Variants in AGBL4 observed in about 807,000 individuals in gnomAD.
AGBL4 encodes AGBL carboxypeptidase 4, also known as cytosolic carboxypeptidase 6.
In AGBL4, 58 loss-of-function variants were observed where a neutral mutation model predicts 66.4. The ratio of observed to expected loss-of-function variants is 0.87; its 90% confidence interval spans 0.71 to 1.09. The LOEUF is 1.09. Among genes scored for constraint, AGBL4 ranks in the 50% least tolerant of loss-of-function variants. The pLI is 0.00. For synonymous variants in AGBL4, 234 were observed against 222.9 expected (o/e 1.05, Z -0.44); for missense variants, 579 against 631.0 (o/e 0.92, Z 0.88).
intron 4 of AGBL4, among the ~76,000 whole-genome samples, chr1:49,096,800 T>C (rs1443338849): frequency 6.6e-6 from 1 of 151,534 alleles, no homozygotes; most frequent in Non-Finnish European, 1.5e-5. Context: ...GTAACAAACC[T>C]GCACATTATG....
At chr1:48,784,363 T>C (rs1645363365) in intron 6 of AGBL4, among the ~76,000 whole-genome samples, 1 of 152,134 alleles carries the variant, frequency 6.6e-6, no homozygotes, top group Non-Finnish European at 1.5e-5. Flanking sequence ...GACTGAACAA[T>C]GCTAATGATA....
At chr1:49,262,108 T>A (rs1345468612) in intron 3 of AGBL4, among the ~76,000 whole-genome samples, 1 of 152,106 alleles carries the variant, frequency 6.6e-6, no homozygotes, top group Non-Finnish European at 1.5e-5. Flanking sequence ...GCTAGCCATA[T>A]GTAGAAAGCT....
At chr1:49,133,923 T>C (rs1014365249) in intron 4 of AGBL4, among the ~76,000 whole-genome samples, 1 of 152,042 alleles carries the variant, frequency 6.6e-6, no homozygotes, top group African/African-American at 2.4e-5. Flanking sequence ...GTGTATATTC[T>C]AATACATATA....
intron 3 of AGBL4, among the ~76,000 whole-genome samples, chr1:49,429,678 T>A (rs1645741729): frequency 1.3e-5 from 2 of 152,060 alleles, no homozygotes; most frequent in Non-Finnish European, 2.9e-5. Flanking sequence ...ATCTTATCAC[T>A]CTTCTGCTTT....
At chr1:48,970,194 A>G (rs1658791390) in intron 5 of AGBL4, among the ~76,000 whole-genome samples, 2 of 152,184 alleles carry the variant, frequency 1.3e-5, no homozygotes, top group Admixed American at 1.3e-4. Flanking sequence ...CAGAAAGGAG[A>G]GAAGCAAATG....
At chr1:48,970,303 C>T (rs1243965580) in intron 5 of AGBL4, among the ~76,000 whole-genome samples, 1 of 152,158 alleles carries the variant, frequency 6.6e-6, no homozygotes, top group African/African-American at 2.4e-5. Context: ...TTCAAAATGG[C>T]TCCTGCTGAC....
intron 4 of AGBL4, among the ~76,000 whole-genome samples, chr1:49,124,954 G>C (rs1569701709): frequency 6.6e-6 from 1 of 152,196 alleles, no homozygotes; most frequent in African/African-American, 2.4e-5. Context: ...AGTCTCTTGA[G>C]GAGTGTGAAT....
At chr1:49,281,335 C>G (rs746890659) in intron 3 of AGBL4, among the ~76,000 whole-genome samples, 2 of 152,142 alleles carry the variant, frequency 1.3e-5, no homozygotes, top group Non-Finnish European at 2.9e-5. Flanking sequence ...CTGACAATGA[C>G]TCGAGAGAGC....
intron 3 of AGBL4, among the ~76,000 whole-genome samples, chr1:49,279,752 A>G (rs1305691160): frequency 6.6e-6 from 1 of 152,090 alleles, no homozygotes; most frequent in Non-Finnish European, 1.5e-5. Context: ...GATCTAGCCA[A>G]CTCCTATCTT....
At chr1:48,999,780 C>G (rs1360342203) in intron 5 of AGBL4, among the ~76,000 whole-genome samples, 1 of 152,088 alleles carries the variant, frequency 6.6e-6, no homozygotes, top group Non-Finnish European at 1.5e-5. Context: ...TGCTTTAAAC[C>G]TTTCCCTGAA....
chr1:48,895,890 G>T (rs1651460550), intron 5 of AGBL4, among the ~76,000 whole-genome samples: 1 of 152,202 alleles, frequency 6.6e-6, no homozygotes. Context: ...AGCCATTGAA[G>T]AATGCTATGA....
At chr1:49,861,001 GAGA>G (rs1646559371) in intron 1 of AGBL4, among the ~76,000 whole-genome samples, 1 of 152,114 alleles carries the variant, frequency 6.6e-6, no homozygotes, top group South Asian at 2.1e-4. Context: ...CTGAGAGGGG[GAGA>G]ACACAGTAAT....
intron 4 of AGBL4, among the ~76,000 whole-genome samples, chr1:49,191,751 C>T (rs34856761): frequency 1.5e-3 from 227 of 152,244 alleles, no homozygotes; most frequent in Non-Finnish European, 1.5e-3. Context: ...CTTAGGAAAA[C>T]GGCCCCCAGC....
chr1:49,533,794 G>T (rs1328872815), intron 3 of AGBL4, among the ~76,000 whole-genome samples: 1 of 152,036 alleles, frequency 6.6e-6, no homozygotes, highest in Non-Finnish European at 1.5e-5. Context: ...ATTCTTGTCT[G>T]CTGGGTTTCT....
intron 3 of AGBL4, among the ~76,000 whole-genome samples, chr1:49,361,557 C>A (rs947393724): frequency 2.6e-5 from 4 of 152,172 alleles, no homozygotes; most frequent in Admixed American, 6.5e-5. Context: ...AACTCCTGAG[C>A]TCAGGCAATC....
At chr1:50,007,285 A>G (rs1203517910) in intron 1 of AGBL4, among the ~76,000 whole-genome samples, 1 of 152,192 alleles carries the variant, frequency 6.6e-6, no homozygotes, top group Admixed American at 6.5e-5. Context: ...AATCTTCACA[A>G]AAAGGAAGAC....
intron 1 of AGBL4, among the ~76,000 whole-genome samples, chr1:49,959,719 G>GAC (rs1656964265): frequency 6.6e-6 from 1 of 152,028 alleles, no homozygotes; most frequent in Admixed American, 6.6e-5. Context: ...CTACCATAAA[G>GAC]ACACATGCAT....
At chr1:49,288,299 G>A (rs1460932975) in intron 3 of AGBL4, among the ~76,000 whole-genome samples, 1 of 150,278 alleles carries the variant, frequency 6.7e-6, no homozygotes, top group Non-Finnish European at 1.5e-5. Flanking sequence ...CACCAGCATG[G>A]CACATGTATA....
chr1:48,761,783 G>A (rs541952812), intron 6 of AGBL4, among the ~76,000 whole-genome samples: 26 of 152,246 alleles, frequency 1.7e-4, no homozygotes, highest in Admixed American at 7.8e-4. Flanking sequence ...TCTTGAATTG[G>A]AACAGCCCTT....
Sources: gnomAD v4.1 joint callset for allele counts (sites outside exome capture counted in the v4.1 genomes callset) on GRCh38, gnomAD v4.1.1 for gene constraint, MANE v1.5 for transcripts, NCBI Gene and HGNC (gene_info 2026-07-23, HGNC 2026-07-21) for gene names.